WDFY4: variants seen among roughly 807,000 people sequenced by gnomAD.
WDFY4 encodes WD repeat- and FYVE domain-containing protein 4.
A neutral mutation model predicts 351.9 loss-of-function variants in WDFY4; 169 were observed. That is an observed-to-expected ratio of 0.48 (90% CI 0.42 to 0.55). WDFY4 has a LOEUF of 0.55. WDFY4 is among the 20% of genes least tolerant of loss of function. WDFY4 has a pLI of 0.00. For synonymous variants in WDFY4, 1,622 were observed against 1,574.6 expected, an observed-to-expected ratio of 1.03 and a Z score of -0.71; for missense variants, 3,803 against 3,935.6, an observed-to-expected ratio of 0.97 and a Z score of 0.90.
At chr10:48,803,420 C>A in intron 25 of WDFY4, 61 bp downstream of exon 25, 1 of 1,515,388 alleles carries the variant, frequency 6.6e-7, no homozygotes, top group Non-Finnish European at 9.0e-7. Context: ...AGAACAGAGA[C>A]AGGGCAGGGT....
chr10:48,920,566 T>C lies in WDFY4; in HGVS notation c.7586+18703T>C, dbSNP rs374421502. On this transcript the variant is annotated intron_variant, in intron 47 of 61. Coordinates refer to ENST00000325239, the MANE Select transcript of WDFY4 (RefSeq NM_001394531.1). ...AAAAAAGCTAGAGCTAGTATCATAC[T>C]TCGTGAAGGACAGAAGGTTCTTCTC... Among the ~76,000 whole-genome samples the C allele has an allele frequency of 1.4e-4, 21 of 152,286 alleles. No individual in the cohort carries two copies. The South Asian group carries it at 4.2e-3, about 30-fold the overall frequency.
chr10:48,962,582 A>G (rs1443890387), intron 53 of WDFY4, among the ~76,000 whole-genome samples: 1 of 152,208 alleles, frequency 6.6e-6, no homozygotes, highest in Non-Finnish European at 1.5e-5. Context: ...TGGGTCCCCC[A>G]TTCTGAGCCA....
At chr10:48,932,433 G>A (rs887771688) in intron 47 of WDFY4, 3 of 152,152 alleles carry the variant, frequency 2.0e-5, no homozygotes, top group Non-Finnish European at 4.4e-5. Context: ...AGTGATTGCA[G>A]AAAAAGAGAT....
At chr10:48,781,246 A>G (rs150158097) in intron 19 of WDFY4, among the ~76,000 whole-genome samples, 33 of 151,220 alleles carry the variant, frequency 2.2e-4, no homozygotes, top group African/African-American at 5.6e-4. Context: ...GTGTGTGTGT[A>G]TATATATATG....
chr10:48,911,198 T>G (rs1264694682), intron 47 of WDFY4, among the ~76,000 whole-genome samples: 2 of 152,178 alleles, frequency 1.3e-5, no homozygotes, highest in African/African-American at 4.8e-5. Flanking sequence ...TCAGACACGG[T>G]CACTCCCCTC....
intron 47 of WDFY4, among the ~76,000 whole-genome samples, chr10:48,906,957 G>A (rs1265844019): frequency 1.3e-5 from 2 of 150,952 alleles, no homozygotes; most frequent in African/African-American, 4.9e-5. Flanking sequence ...TTTTATTTCT[G>A]GAACATACTT....
At chr10:48,724,137 G>T (rs2064184488) in intron 5 of WDFY4, among the ~76,000 whole-genome samples, 1 of 152,114 alleles carries the variant, frequency 6.6e-6, no homozygotes, top group African/African-American at 2.4e-5. Context: ...CACCTTCTGA[G>T]ACTCTGAGCT....
intron 8 of WDFY4, among the ~76,000 whole-genome samples, chr10:48,730,089 G>A (rs542115009): frequency 3.3e-4 from 51 of 152,320 alleles, no homozygotes; most frequent in Non-Finnish European, 3.5e-4. Context: ...CTGGAGAATC[G>A]GCTAAGAAAT....
In WDFY4 at chr10:48,743,614, G is replaced by A. The variant is rs534130138; in HGVS notation, c.2459+66G>A. 67 of 1,465,604 alleles carry A rather than the reference G, an allele frequency of 4.6e-5. 1 individual carries two copies. The highest frequency in any genetic ancestry group is 1.8e-4 in the Middle Eastern group (1 of 5,698). 90.8% of individuals were successfully genotyped at this position (1,465,604 alleles called of 1,614,324 possible). On this transcript the variant is annotated intron_variant, in intron 12 of 61. Transcript: ENST00000325239. ...TCCCATTCTCACTCTAACGTCTTGC[G>A]CATGTGTACTCAGTAGGAAGGCTCA...
intron 20 of WDFY4, among the ~76,000 whole-genome samples, chr10:48,787,912 C>CTTT (rs1565198769): frequency 2.2e-5 from 1 of 45,168 alleles, no homozygotes; most frequent in South Asian, 9.1e-4. Context: ...TCTTCTTCTT[C>CTTT]TTCTTCTTCT....
chr10:48,824,189 A>G lies in WDFY4; in HGVS notation c.5982+1652A>G, dbSNP rs543640341. ...TCCAGTAGATGATATGGTGGTTAAGAGCGTGGCTTAAGTGTCCAGTGTGTG... is the reference window on the plus strand; with the variant it reads ...TCCAGTAGATGATATGGTGGTTAAGGGCGTGGCTTAAGTGTCCAGTGTGTG... On this transcript the variant is annotated intron_variant, in intron 35 of 61. Coordinates refer to ENST00000325239, the MANE Select transcript of WDFY4 (RefSeq NM_001394531.1). 6 of 985,394 alleles carry G rather than the reference A, an allele frequency of 6.1e-6. No individual in the cohort carries two copies. The African/African-American group carries it at 1.0e-4, about 17-fold the overall frequency. 61.0% of individuals were successfully genotyped at this position (985,394 alleles called of 1,614,324 possible).
At chr10:48,827,234 T>C (rs953088685) in intron 36 of WDFY4, among the ~76,000 whole-genome samples, 13 of 152,032 alleles carry the variant, frequency 8.6e-5, no homozygotes, top group African/African-American at 2.7e-4. Context: ...AGCCAGACTC[T>C]AGAAGCATTA....
At chr10:48,847,225 G>T (rs950021236) in intron 39 of WDFY4, among the ~76,000 whole-genome samples, 1 of 152,082 alleles carries the variant, frequency 6.6e-6, no homozygotes, top group African/African-American at 2.4e-5. Context: ...CTCTGTACAT[G>T]ACCGTGTCCT....
chr10:48,780,936 A>T (rs1406764620), intron 19 of WDFY4, among the ~76,000 whole-genome samples: 1 of 152,208 alleles, frequency 6.6e-6, no homozygotes, highest in Non-Finnish European at 1.5e-5. Context: ...AAAATTTTCT[A>T]GGTGATTCTA....
chr10:48,945,403 C>T (rs967926885), intron 49 of WDFY4, among the ~76,000 whole-genome samples: 3 of 152,114 alleles, frequency 2.0e-5, no homozygotes, highest in African/African-American at 7.2e-5. Context: ...GAGAGATACA[C>T]AGGTACCTCC....
chr10:48,828,355 C>A (rs997142526), intron 36 of WDFY4, among the ~76,000 whole-genome samples: 3 of 152,192 alleles, frequency 2.0e-5, no homozygotes, highest in Non-Finnish European at 2.9e-5. Flanking sequence ...CTTCTAAGTG[C>A]AGGGCCCTGT....
intron 12 of WDFY4, among the ~76,000 whole-genome samples, chr10:48,750,528 G>A (rs1428807090): frequency 1.3e-5 from 2 of 152,176 alleles, no homozygotes; most frequent in Non-Finnish European, 2.9e-5. Flanking sequence ...CTTCCAAGAA[G>A]CCTCCCCTGG....
At chr10:48,822,632 C>G (rs1366364791) in intron 35 of WDFY4, 95 bp downstream of exon 35, 5 of 1,342,634 alleles carry the variant, frequency 3.7e-6, no homozygotes, top group Non-Finnish European at 3.8e-6. Flanking sequence ...CCCTCCCTCC[C>G]TGGAGTAGAA....
At chr10:48,923,506 A>ATGTATGTATG (rs1554812692) in intron 47 of WDFY4, among the ~76,000 whole-genome samples, 4 of 115,116 alleles carry the variant, frequency 3.5e-5, no homozygotes, top group South Asian at 6.7e-4. Context: ...GTATATATAT[A>ATGTATGTATG]TATATATGTC....
Sources: gnomAD v4.1 joint callset for allele counts (sites outside exome capture counted in the v4.1 genomes callset) on GRCh38, gnomAD v4.1.1 for gene constraint, MANE v1.5 for transcripts, NCBI Gene and HGNC (gene_info 2026-07-23, HGNC 2026-07-21) for gene names.